OSBPL11: variants seen among roughly 807,000 people sequenced by gnomAD.
OSBPL11 encodes the protein oxysterol-binding protein-related protein 11.
In OSBPL11, 33 loss-of-function variants were observed where a neutral mutation model predicts 84.4. The ratio of observed to expected loss-of-function variants is 0.39; its 90% CI spans 0.30 to 0.52. The LOEUF (loss-of-function observed/expected upper bound fraction) is 0.52. Ranked by LOEUF, OSBPL11 falls within the 20% of genes least tolerant of loss-of-function variation. The pLI, the probability that OSBPL11 is intolerant of heterozygous loss-of-function variation, is 0.72. For synonymous variants in OSBPL11, 276 were observed against 310.2 expected (o/e 0.89, Z 1.16); for missense variants, 736 against 901.1 (o/e 0.82, Z 2.35).
intron 1 of OSBPL11, 129 bp downstream of exon 1, chr3:125,594,508 G>T: frequency 9.3e-7 from 1 of 1,077,024 alleles, no homozygotes; most frequent in Non-Finnish European, 1.3e-6. Context: ...AGATCCAAAC[G>T]AGATGTATCA....
At chr3:125,568,910 C>A (rs1053932477) in intron 5 of OSBPL11, among the ~76,000 whole-genome samples, 1 of 151,866 alleles carries the variant, frequency 6.6e-6, no homozygotes, top group Non-Finnish European at 1.5e-5. Flanking sequence ...ATATAGTGGA[C>A]AGACTCTTTT....
intron 9 of OSBPL11, among the ~76,000 whole-genome samples, chr3:125,551,404 T>C (rs966945063): frequency 2.0e-5 from 3 of 151,884 alleles, no homozygotes; most frequent in African/African-American, 7.2e-5. Flanking sequence ...TATATATATA[T>C]GGATGCAGGC....
At chr3:125,582,486 C>G (rs1201505588) in intron 2 of OSBPL11, among the ~76,000 whole-genome samples, 1 of 152,194 alleles carries the variant, frequency 6.6e-6, no homozygotes, top group Non-Finnish European at 1.5e-5. Context: ...AGCTGGTTTT[C>G]CTGCTTCCTG....
chr3:125,550,395 AC>A, intron 9 of OSBPL11, among the ~76,000 whole-genome samples: 2 of 148,236 alleles, frequency 1.3e-5, no homozygotes, highest in Non-Finnish European at 3.0e-5. Context: ...ACACACACAC[AC>A]ACACACACAC....
chr3:125,548,172 C>A (rs58739271), intron 9 of OSBPL11, among the ~76,000 whole-genome samples: 2 of 152,126 alleles, frequency 1.3e-5, no homozygotes, highest in Non-Finnish European at 2.9e-5. Flanking sequence ...AGCCACTGTG[C>A]CTGGCCCCTG....
In OSBPL11 at chr3:125,577,616, T is replaced by A. The variant is rs1166183406; in HGVS notation, c.490-1251A>T. 2.0e-5 allele frequency among the ~76,000 whole-genome samples: 3 copies of A among 152,080 alleles called. No individual in the cohort carries two copies. In the East Asian group the frequency reaches 5.8e-4, roughly 29 times the overall value. ...ACTGAGGCAGGTGGATTGCCTGAGC[T>A]CAAGAGTTCGAGACCAGCCTGGCCA... On this transcript the variant is annotated intron_variant, in intron 4 of 12. Coordinates refer to ENST00000296220, the MANE Select transcript of OSBPL11 (RefSeq NM_022776.5).
At chr3:125,590,886 A>G (rs1936586168) in intron 1 of OSBPL11, among the ~76,000 whole-genome samples, 1 of 152,192 alleles carries the variant, frequency 6.6e-6, no homozygotes, top group South Asian at 2.1e-4. Flanking sequence ...TCTAGAAATA[A>G]AAGTTCTCCC....
At chr3:125,581,016 GA>G (rs1248529976) in intron 2 of OSBPL11, among the ~76,000 whole-genome samples, 2 of 150,026 alleles carry the variant, frequency 1.3e-5, no homozygotes, top group Admixed American at 6.6e-5. Context: ...ATACACTTTG[GA>G]AAAAAAAATT....
chr3:125,556,094 G>T (rs530053578), intron 8 of OSBPL11, among the ~76,000 whole-genome samples: 33 of 152,236 alleles, frequency 2.2e-4, no homozygotes, highest in Non-Finnish European at 4.6e-4. Flanking sequence ...AATTAATGGA[G>T]GATATATTCC....
rs1166601322 is a variant in OSBPL11 at position 125,595,004 on chromosome 3, C to G, written c.-204G>C. ...TAAACTTTTGAGAGGGCAGGGGAAG[C>G]AACGAGGACAGATATCCTTCACATG... On this transcript the variant is annotated 5_prime_UTR_variant, in exon 1 of 13. Coordinates refer to ENST00000296220, the MANE Select transcript of OSBPL11 (RefSeq NM_022776.5). 1.8e-5 allele frequency: 10 copies of G among 551,690 alleles called. No homozygotes were observed. Among genetic ancestry groups the G allele is most frequent in the Non-Finnish European group, 3.2e-5 (10 of 311,178 alleles). 34.2% of individuals were successfully genotyped at this position (551,690 alleles called of 1,614,324 possible).
intron 10 of OSBPL11, among the ~76,000 whole-genome samples, chr3:125,542,982 T>C (rs1325733594): frequency 6.6e-6 from 1 of 151,758 alleles, no homozygotes; most frequent in Non-Finnish European, 1.5e-5. Flanking sequence ...CTGAAATACT[T>C]GATAATTCTT....
chr3:125,581,995 T>A (rs1274613898), intron 2 of OSBPL11, among the ~76,000 whole-genome samples: 1 of 151,750 alleles, frequency 6.6e-6, no homozygotes, highest in Non-Finnish European at 1.5e-5. Flanking sequence ...ATTAATTAAT[T>A]AATATAAAAT....
At chr3:125,548,326 A>C (rs1935850013) in intron 9 of OSBPL11, among the ~76,000 whole-genome samples, 3 of 152,248 alleles carry the variant, frequency 2.0e-5, no homozygotes, top group Admixed American at 2.0e-4. Context: ...CATCTAAGAC[A>C]GTATAATGGG....
intron 1 of OSBPL11, among the ~76,000 whole-genome samples, chr3:125,592,513 T>C (rs1325919463): frequency 6.6e-6 from 1 of 152,194 alleles, no homozygotes; most frequent in Non-Finnish European, 1.5e-5. Context: ...AATTAAAATA[T>C]ATTGCATGTC....
intron 1 of OSBPL11, among the ~76,000 whole-genome samples, chr3:125,586,583 G>T (rs1936514621): frequency 6.6e-6 from 1 of 151,596 alleles, no homozygotes; most frequent in African/African-American, 2.4e-5. Flanking sequence ...TGCAATCTTG[G>T]CTCACTACAA....
rs746214268 is a variant in OSBPL11 at position 125,563,820 on chromosome 3, G to A, written c.892C>T (p.Pro298Ser). 3 of 1,613,958 alleles carry A rather than the reference G, an allele frequency of 1.9e-6. No individual in the cohort carries two copies. Among genetic ancestry groups the A allele is most frequent in the Non-Finnish European group, 2.5e-6 (3 of 1,180,024 alleles). ...TAGTGGTTTGATAAAGATATCTTTGGTTCTAACCACTCGATTGTCGTTCCT... is the reference window on the plus strand; with the variant it reads ...TAGTGGTTTGATAAAGATATCTTTGATTCTAACCACTCGATTGTCGTTCCT... ...PSGTTIEWLE[P>S]KISLSNHYKN... The change falls in exon 7 of 13, where the codon CCA becomes TCA. Residue 298 changes from proline to serine, a missense_variant. Physicochemically the swap from Pro to Ser is moderately conservative, Grantham distance 74. This residue lies in a region of OSBPL11 where 579 missense variants were observed against 717.6 expected (regional missense o/e 0.81). Transcript: ENST00000296220.
At chr3:125,582,615 C>A (rs1936445446) in intron 2 of OSBPL11, among the ~76,000 whole-genome samples, 1 of 152,162 alleles carries the variant, frequency 6.6e-6, no homozygotes, top group South Asian at 2.1e-4. Context: ...ACCCCTATTT[C>A]TCTTCCCCTA....
rs1050868304 is a variant in OSBPL11, at chr3:125,551,562, A to G, written c.1654+619T>C. On this transcript the variant is annotated intron_variant, in intron 9 of 12. Transcript: ENST00000296220. ...GGTGGGTGGATCATCAGAGGTCAGG[A>G]GTTTGAGACCAGCCTAACCAACATG... Among the ~76,000 whole-genome samples the G allele has an allele frequency of 6.6e-5, 10 of 152,058 alleles. 1 individual carries two copies. Among genetic ancestry groups the G allele is most frequent in the Non-Finnish European group, 1.3e-4 (9 of 68,018 alleles).
At position 125,562,140 on chromosome 3, in the gene OSBPL11, C is replaced by G. The variant is rs921706389; in HGVS notation, c.1014+1558G>C. Among the ~76,000 whole-genome samples the G allele has an allele frequency of 2.5e-4, 38 of 152,170 alleles. 1 individual carries two copies. The highest frequency in any genetic ancestry group is 1.3e-4 in the Admixed American group (2 of 15,274). ...CAAAGCATTTCTCATGTACCCGACT[C>G]AATATGTCTTCTTCCTTTCTCTGAA... On this transcript the variant is annotated intron_variant, in intron 7 of 12. Coordinates refer to ENST00000296220, the MANE Select transcript of OSBPL11 (RefSeq NM_022776.5).
Sources: allele counts gnomAD v4.1 joint callset (sites outside exome capture counted in the v4.1 genomes callset), GRCh38; gene constraint gnomAD v4.1.1; regional missense constraint gnomAD v4.1.1; transcripts MANE v1.5; gene names NCBI Gene and HGNC (gene_info 2026-07-23, HGNC 2026-07-21).